The following GPC5 variants were observed in gnomAD, a reference collection of about 807,000 sequenced individuals.
The protein encoded by GPC5 is glypican-5.
A neutral mutation model predicts 53.9 loss-of-function variants in GPC5; 47 were observed. The observed-to-expected ratio is 0.87, with a 90% CI of 0.69 to 1.11. The LOEUF (loss-of-function observed/expected upper bound fraction) is 1.11, where lower values mean the gene tolerates loss of function less well. Among genes scored for constraint, GPC5 ranks in the 50% most tolerant of loss-of-function variants. The pLI, the probability that GPC5 is intolerant of heterozygous loss-of-function variation, is 0.00. For synonymous variants in GPC5, 286 were observed against 263.3 expected (o/e 1.09, Z -0.84); for missense variants, 748 against 713.1 (o/e 1.05, Z -0.56).
intron 6 of GPC5, among the ~76,000 whole-genome samples, chr13:91,998,314 GC>G (rs1386213316): frequency 6.6e-6 from 1 of 152,090 alleles, no homozygotes; most frequent in African/African-American, 2.4e-5. Context: ...CTTCCACTTT[GC>G]TCTTCAAGAT....
At position 92,420,908 on chromosome 13, in the gene GPC5, T is replaced by C. The variant is rs77071020; in HGVS notation, c.1561+275919T>C. 8.5e-4 allele frequency among the ~76,000 whole-genome samples: 130 copies of C among 152,332 alleles called. 3 individuals are homozygous for C. The East Asian group carries it at 0.021, about 24-fold the overall frequency. On this transcript the variant is annotated intron_variant, in intron 7 of 7. Coordinates refer to ENST00000377067, the MANE Select transcript of GPC5 (RefSeq NM_004466.6). ...ATTCATCTGTTGATGGACACCTAAG[T>C]TGTTTCCAAATTTTGGCTACTGTGA...
chr13:91,518,285 C>T (rs1018838363), intron 2 of GPC5, among the ~76,000 whole-genome samples: 1 of 152,094 alleles, frequency 6.6e-6, no homozygotes, highest in Non-Finnish European at 1.5e-5. Flanking sequence ...CGTTTTAGCT[C>T]AGGAGTTTGA....
chr13:91,826,438 AAGTC>A (rs2038578151), intron 5 of GPC5, among the ~76,000 whole-genome samples: 1 of 152,054 alleles, frequency 6.6e-6, no homozygotes, highest in Non-Finnish European at 1.5e-5. Flanking sequence ...GAGAAATCAT[AAGTC>A]AGGGAGCATA....
intron 7 of GPC5, among the ~76,000 whole-genome samples, chr13:92,295,344 G>A (rs9523614): frequency 0.29 from 44,396 of 152,066 alleles, 6,598 homozygotes; most frequent in Middle Eastern, 0.48. Context: ...TTCTTTTGGA[G>A]TTGATTTCCA....
intron 1 of GPC5, among the ~76,000 whole-genome samples, chr13:91,411,269 G>A (rs764305158): frequency 2.5e-4 from 38 of 152,314 alleles, no homozygotes; most frequent in Admixed American, 1.4e-3. Context: ...ATGTCTGATT[G>A]GCTTCATCAA....
chr13:91,532,394 C>T (rs1405613422), intron 2 of GPC5, among the ~76,000 whole-genome samples: 1 of 152,128 alleles, frequency 6.6e-6, no homozygotes, highest in African/African-American at 2.4e-5. Flanking sequence ...TATTCATGTA[C>T]AATTATGGCT....
At chr13:91,488,037 T>G (rs1883717091) in intron 2 of GPC5, among the ~76,000 whole-genome samples, 1 of 152,048 alleles carries the variant, frequency 6.6e-6, no homozygotes, top group Non-Finnish European at 1.5e-5. Context: ...CACATTTAAT[T>G]CCACTATAAG....
intron 6 of GPC5, among the ~76,000 whole-genome samples, chr13:92,138,055 A>G (rs2041798918): frequency 6.6e-6 from 1 of 152,072 alleles, no homozygotes; most frequent in Non-Finnish European, 1.5e-5. Context: ...TTTCCACTCA[A>G]TTTTGCTGTG....
intron 7 of GPC5, among the ~76,000 whole-genome samples, chr13:92,160,261 G>C (rs6492586): frequency 0.57 from 86,035 of 151,902 alleles, 24,824 homozygotes; most frequent in South Asian, 0.77. Context: ...TACCAATTCC[G>C]ATATTAAATT....
intron 2 of GPC5, among the ~76,000 whole-genome samples, chr13:91,598,973 A>G (rs2033088908): frequency 6.6e-6 from 1 of 152,128 alleles, no homozygotes; most frequent in Non-Finnish European, 1.5e-5. Flanking sequence ...AGTTTCAGTT[A>G]TTTTGAAAAA....
intron 7 of GPC5, among the ~76,000 whole-genome samples, chr13:92,374,880 TAAAA>T (rs201086148): frequency 1.1e-3 from 146 of 135,066 alleles, no homozygotes; most frequent in African/African-American, 3.8e-3. Context: ...AAAAAAAAAA[TAAAA>T]AAAAAAGTAA....
chr13:92,080,271 T>C (rs748145106), intron 6 of GPC5, among the ~76,000 whole-genome samples: 6 of 152,270 alleles, frequency 3.9e-5, no homozygotes, highest in Non-Finnish European at 8.8e-5. Flanking sequence ...ATCCTCTTCT[T>C]GGATGGTCCC....
intron 5 of GPC5, among the ~76,000 whole-genome samples, chr13:91,862,217 G>T (rs944066605): frequency 3.9e-5 from 6 of 152,016 alleles, no homozygotes; most frequent in Admixed American, 6.6e-5. Flanking sequence ...AAGATTTGCT[G>T]GTGACAAATT....
chr13:91,511,017 A>G (rs1326382154), intron 2 of GPC5, among the ~76,000 whole-genome samples: 1 of 152,040 alleles, frequency 6.6e-6, no homozygotes, highest in Admixed American at 6.6e-5. Flanking sequence ...CCACCCTGAA[A>G]TCAGCTCTTT....
At chr13:91,567,362 A>G (rs2138965999) in intron 2 of GPC5, among the ~76,000 whole-genome samples, 1 of 152,280 alleles carries the variant, frequency 6.6e-6, no homozygotes, top group South Asian at 2.1e-4. Flanking sequence ...CACTTAGTGT[A>G]TTTCTAGGTC....
intron 7 of GPC5, among the ~76,000 whole-genome samples, chr13:92,204,197 A>G (rs1016351607): frequency 6.6e-6 from 1 of 152,196 alleles, no homozygotes; most frequent in Admixed American, 6.5e-5. Flanking sequence ...GAGACAAGGA[A>G]ATTCAGGAAT....
At chr13:92,267,926 C>T (rs1045933983) in intron 7 of GPC5, among the ~76,000 whole-genome samples, 2 of 152,034 alleles carry the variant, frequency 1.3e-5, no homozygotes, top group African/African-American at 4.8e-5. Context: ...TCTTAACACT[C>T]TTCTGAGATT....
chr13:91,772,672 C>T (rs1306630938), intron 5 of GPC5, among the ~76,000 whole-genome samples: 1 of 151,988 alleles, frequency 6.6e-6, no homozygotes, highest in African/African-American at 2.4e-5. Flanking sequence ...AAATGCAATG[C>T]GACACTCCCG....
intron 7 of GPC5, among the ~76,000 whole-genome samples, chr13:92,183,225 A>G (rs139230950): frequency 1.6e-3 from 245 of 152,336 alleles, no homozygotes; most frequent in South Asian, 5.0e-3. Context: ...TTAAAATTCT[A>G]GTTCAGTATA....
Sources: gnomAD v4.1 joint callset for allele counts (sites outside exome capture counted in the v4.1 genomes callset) on GRCh38, gnomAD v4.1.1 for gene constraint, MANE v1.5 for transcripts, NCBI Gene and HGNC (gene_info 2026-07-23, HGNC 2026-07-21) for gene names.